Variants in NLGN4Y observed in about 807,000 individuals in gnomAD.
NLGN4Y encodes neuroligin-4, Y-linked.
A neutral mutation model predicts 8.4 loss-of-function variants in NLGN4Y; 4 were observed. The ratio of observed to expected loss-of-function variants is 0.48; its 90% CI spans 0.23 to 1.09. NLGN4Y has a LOEUF of 1.09. NLGN4Y is among the 50% of genes least tolerant of loss of function. The pLI is 0.19. For synonymous variants in NLGN4Y, 35 were observed against 75.6 expected (o/e 0.46, Z 2.78); for missense variants, 90 against 192.3 (o/e 0.47, Z 3.15).
chrY:14,812,718 T>C, intron 4 of NLGN4Y, among the ~76,000 whole-genome samples: 2 of 32,660 alleles, frequency 6.1e-5, no homozygotes, highest in Middle Eastern at 0.014. Flanking sequence ...TGAGGTACCA[T>C]CATTTTGCTC....
intron 1 of NLGN4Y, among the ~76,000 whole-genome samples, chrY:14,574,558 C>G (rs78241942): frequency 3.0e-5 from 1 of 33,283 alleles, no homozygotes; most frequent in African/African-American, 1.2e-4. Context: ...ATTTGCCAGT[C>G]TGTGTCTTTT....
In NLGN4Y at chrY:14,830,420, T is replaced by G; in HGVS notation, c.1562T>G (p.Met521Arg). 4 of 399,269 alleles carry G rather than the reference T, an allele frequency of 1.0e-5. No individual in the cohort carries two copies. The highest frequency in any genetic ancestry group is 1.4e-5 in the Non-Finnish European group (4 of 283,700). Residue 521 changes from methionine to arginine, a missense_variant, in exon 6 of 7, where the codon ATG (methionine) becomes AGG (arginine). Met to Arg is a moderately conservative substitution (Grantham distance 91, BLOSUM62 -1). Transcript: ENST00000684976. ...DEVPYVFGIP[M>R]IGPTELFSCN... ...GTCCCCTATGTCTTCGGCATCCCCA[T>G]GATCGGTCCCACAGAGCTCTTCAGT...
chrY:14,561,779 G>A (rs2080228424), intron 1 of NLGN4Y, among the ~76,000 whole-genome samples: 1 of 33,384 alleles, frequency 3.0e-5, no homozygotes, highest in Admixed American at 2.7e-4. Context: ...GGCGTGAGAT[G>A]GTATCTTATT....
chrY:14,663,298 C>G (rs2080681351), intron 2 of NLGN4Y, among the ~76,000 whole-genome samples: 1 of 32,985 alleles, frequency 3.0e-5, no homozygotes, highest in African/African-American at 1.2e-4. Context: ...AGGTTACATC[C>G]AAATCTTGGC....
intron 4 of NLGN4Y, among the ~76,000 whole-genome samples, chrY:14,734,327 C>T (rs2080984932): frequency 3.0e-5 from 1 of 33,003 alleles, no homozygotes; most frequent in East Asian, 8.1e-4. Context: ...GCAGGGAGGG[C>T]CATGGGTGGT....
At chrY:14,556,844 G>A in intron 1 of NLGN4Y, among the ~76,000 whole-genome samples, 1 of 32,964 alleles carries the variant, frequency 3.0e-5, no homozygotes, top group Non-Finnish European at 7.4e-5. Context: ...ACACAACCGC[G>A]CATATTAACA....
chrY:14,567,217 GA>G, intron 1 of NLGN4Y, among the ~76,000 whole-genome samples: 1 of 24,125 alleles, frequency 4.1e-5, no homozygotes, highest in Non-Finnish European at 9.3e-5. Flanking sequence ...TCTTTGCTTT[GA>G]ATTTTTTTTT....
chrY:14,838,574 A>G, intron 6 of NLGN4Y, among the ~76,000 whole-genome samples: 1 of 33,020 alleles, frequency 3.0e-5, no homozygotes, highest in African/African-American at 1.2e-4. Flanking sequence ...TATAATGTAC[A>G]TAATATAGAA....
At chrY:14,548,000 G>A (rs774982953) in intron 1 of NLGN4Y, among the ~76,000 whole-genome samples, 6 of 33,110 alleles carry the variant, frequency 1.8e-4, no homozygotes, top group African/African-American at 7.0e-4. Flanking sequence ...GTGGGTGAAG[G>A]TCAAGATTAT....
intron 4 of NLGN4Y, among the ~76,000 whole-genome samples, chrY:14,770,516 A>G: frequency 3.0e-5 from 1 of 33,400 alleles, no homozygotes; most frequent in Non-Finnish European, 7.4e-5. Context: ...ACCACCAACA[A>G]AAAGGACACC....
chrY:14,553,996 T>C (rs2080203623), intron 1 of NLGN4Y, among the ~76,000 whole-genome samples: 5 of 31,414 alleles, frequency 1.6e-4, no homozygotes, highest in Admixed American at 1.6e-3. Flanking sequence ...ATTTTCCTCA[T>C]GATGGTGTTT....
intron 2 of NLGN4Y, among the ~76,000 whole-genome samples, chrY:14,635,828 G>A: frequency 6.3e-5 from 2 of 31,680 alleles, no homozygotes; most frequent in African/African-American, 2.5e-4. Flanking sequence ...CTGACCTCAG[G>A]CAATCCACCC....
intron 4 of NLGN4Y, among the ~76,000 whole-genome samples, chrY:14,777,513 G>A: frequency 3.2e-5 from 1 of 31,358 alleles, no homozygotes. Flanking sequence ...GATTTACCTT[G>A]ATAAACACTT....
chrY:14,626,791 A>G, intron 2 of NLGN4Y, among the ~76,000 whole-genome samples: 1 of 33,009 alleles, frequency 3.0e-5, no homozygotes, highest in Non-Finnish European at 7.4e-5. Context: ...TGGTGCATTT[A>G]CAATCCTCTA....
chrY:14,588,544 T>C (rs943284877), intron 1 of NLGN4Y, among the ~76,000 whole-genome samples: 13 of 34,022 alleles, frequency 3.8e-4, no homozygotes, highest in African/African-American at 1.5e-3. Flanking sequence ...ATGAGATTTG[T>C]GTGGAGACAC....
intron 1 of NLGN4Y, among the ~76,000 whole-genome samples, chrY:14,529,992 CAT>C (rs368762978): frequency 0.013 from 260 of 20,687 alleles, no homozygotes; most frequent in African/African-American, 0.022. Context: ...CATATATGTA[CAT>C]ATATATATAT....
At chrY:14,576,162 G>A (rs1603500215) in intron 1 of NLGN4Y, among the ~76,000 whole-genome samples, 1 of 34,059 alleles carries the variant, frequency 2.9e-5, no homozygotes, top group East Asian at 7.9e-4. Context: ...GCTGCCTTTT[G>A]TTTGGCTATG....
At chrY:14,742,272 T>A (rs920305031) in intron 4 of NLGN4Y, among the ~76,000 whole-genome samples, 1 of 32,969 alleles carries the variant, frequency 3.0e-5, no homozygotes, top group Non-Finnish European at 7.5e-5. Flanking sequence ...ACTGACCACA[T>A]TGGCATATCA....
intron 1 of NLGN4Y, among the ~76,000 whole-genome samples, chrY:14,591,423 C>A (rs2080371340): frequency 3.0e-5 from 1 of 32,970 alleles, no homozygotes; most frequent in East Asian, 8.1e-4. Flanking sequence ...CCACTAGGAA[C>A]CATCTGATAG....
Sources: allele counts gnomAD v4.1 joint callset (sites outside exome capture counted in the v4.1 genomes callset), GRCh38; gene constraint gnomAD v4.1.1; transcripts MANE v1.5; gene names NCBI Gene and HGNC (gene_info 2026-07-23, HGNC 2026-07-21).